Variants in ZNF697 observed in about 807,000 individuals in gnomAD.
The protein encoded by ZNF697 is zinc finger protein 697.
Under a neutral mutation model 32.4 loss-of-function variants are expected in ZNF697, and 23 were observed. That is an observed-to-expected ratio of 0.71 (90% confidence interval 0.51 to 1.01). ZNF697 has a LOEUF of 1.01. ZNF697 is among the 50% of genes least tolerant of loss of function. ZNF697 has a pLI of 0.00. For missense variants in ZNF697, 930 were observed against 794.0 expected (o/e 1.17, Z -2.06); for synonymous variants, 418 against 337.2 (o/e 1.24, Z -2.62).
At chr1:119,631,506 C>T (rs1011967471) in intron 1 of ZNF697, among the ~76,000 whole-genome samples, 11 of 152,266 alleles carry the variant, frequency 7.2e-5, no homozygotes, top group Non-Finnish European at 1.6e-4. Flanking sequence ...AAGGCCAGTT[C>T]CCAGCGAAGC....
chr1:119,642,136 A>G (rs376319380), intron 1 of ZNF697, among the ~76,000 whole-genome samples: 1 of 152,252 alleles, frequency 6.6e-6, no homozygotes, highest in Admixed American at 6.5e-5. Flanking sequence ...CACATACTGT[A>G]TGATTCCAAC....
intron 1 of ZNF697, among the ~76,000 whole-genome samples, chr1:119,640,491 C>A (rs1436891437): frequency 6.6e-6 from 1 of 152,200 alleles, no homozygotes. Flanking sequence ...GCAGACCATT[C>A]TCAAAAAAGA....
intron 1 of ZNF697, among the ~76,000 whole-genome samples, chr1:119,631,571 G>C (rs1281960025): frequency 6.6e-6 from 1 of 152,188 alleles, no homozygotes; most frequent in Non-Finnish European, 1.5e-5. Context: ...TTCCAGAGCA[G>C]ATCACTCCCA....
In ZNF697 at chr1:119,626,266, C is replaced by T. The variant is rs1648584768; in HGVS notation, c.-37-129G>A. ...CCCCAGATGGCAAACCTCCACTTCA[C>T]TCCACATTTTAAAGTAAACAAGTGA... On this transcript the variant is annotated intron_variant, in intron 1 of 2. Transcript: ENST00000421812. 4.8e-6 allele frequency: 6 copies of T among 1,249,724 alleles called. No individual in the cohort carries two copies. The African/African-American group carries it at 7.6e-5, about 16-fold the overall frequency. 77.4% of individuals were successfully genotyped at this position (1,249,724 alleles called of 1,614,324 possible). A position where few individuals can be genotyped will look rare whatever the true frequency, so the allele number is the denominator to read the frequency against.
Position 119,623,177 on chromosome 1 carries a change from C to A in ZNF697, c.1166G>T (p.Arg389Leu). The A allele has an allele frequency of 6.4e-7, 1 of 1,567,778 alleles. No homozygotes were observed. The highest frequency in any genetic ancestry group is 8.7e-7 in the Non-Finnish European group (1 of 1,153,310). Residue 389 changes from arginine to leucine, a missense_variant, in exon 3 of 3, where the codon CGC (arginine) becomes CTC (leucine). Coordinates refer to ENST00000421812, the MANE Select transcript of ZNF697 (RefSeq NM_001080470.2). Reference sequence around the variant, plus strand: ...CACCAAGTCCGAGCGCCAGCTGAAGCGCTTGCCGCACTCGCCACAGCCGTG... The same window carrying A: ...CACCAAGTCCGAGCGCCAGCTGAAGAGCTTGCCGCACTCGCCACAGCCGTG... ...KPHGCGECGK[R>L]FSWRSDLVKH...
intron 1 of ZNF697, among the ~76,000 whole-genome samples, chr1:119,629,631 A>C (rs1648704238): frequency 6.6e-6 from 1 of 152,228 alleles, no homozygotes; most frequent in South Asian, 2.1e-4. Context: ...CACAAAAATT[A>C]ATGTTTGTAA....
intron 1 of ZNF697, among the ~76,000 whole-genome samples, chr1:119,631,263 C>T (rs897986571): frequency 1.3e-5 from 2 of 152,264 alleles, no homozygotes; most frequent in East Asian, 3.9e-4. Context: ...ACCGCGGAGG[C>T]GGTGTCTCCT....
rs1423114193 is a variant in ZNF697, at chr1:119,623,059, C to G, written c.1284G>C (p.Lys428Asn). 6.3e-7 allele frequency: 1 copy of G among 1,586,208 alleles called. No individual in the cohort carries two copies. Among genetic ancestry groups the G allele is most frequent in the Non-Finnish European group, 8.6e-7 (1 of 1,166,652 alleles). ...FSVSSHLFTH[K>N]RTHSGERPYV... Reference sequence around the variant, plus strand: ...AGGGCCGCTCACCCGAGTGCGTGCGCTTGTGCGTGAAGAGGTGCGAGCTGA... The same window carrying G: ...AGGGCCGCTCACCCGAGTGCGTGCGGTTGTGCGTGAAGAGGTGCGAGCTGA... The change falls in exon 3 of 3, where the codon AAG (lysine) becomes AAC (asparagine). Residue 428 changes from lysine to asparagine, a missense_variant. By Grantham distance (94) the Lys-to-Asn change is moderately conservative. Transcript: ENST00000421812.
chr1:119,648,152 T>TGCG lies in ZNF697; in HGVS notation c.-502_-500dup, dbSNP rs921465724. 2.0e-5 allele frequency among the ~76,000 whole-genome samples: 3 copies of TGCG among 151,604 alleles called. No individual in the cohort carries two copies. Among genetic ancestry groups the TGCG allele is most frequent in the African/African-American group, 7.3e-5 (3 of 41,296 alleles). Reference sequence around the variant, plus strand: ...CCGCACCGCAGCGCGTCTGCCCTTGTGCGGCGGCGGCGGCTGCAGCGGCCG... The same window carrying TGCG: ...CCGCACCGCAGCGCGTCTGCCCTTGTGCGGCGGCGGCGGCGGCTGCAGCGGCCG... On this transcript the variant is annotated 5_prime_UTR_variant, in exon 1 of 3. Coordinates refer to ENST00000421812, the MANE Select transcript of ZNF697 (RefSeq NM_001080470.2).
intron 1 of ZNF697, among the ~76,000 whole-genome samples, chr1:119,638,862 A>G (rs1260277479): frequency 6.6e-6 from 1 of 152,204 alleles, no homozygotes; most frequent in Non-Finnish European, 1.5e-5. Flanking sequence ...CAGCAGAAAC[A>G]GGAAAAGCAC....
chr1:119,643,605 C>T (rs1454028197), intron 1 of ZNF697, among the ~76,000 whole-genome samples: 1 of 152,092 alleles, frequency 6.6e-6, no homozygotes, highest in African/African-American at 2.4e-5. Flanking sequence ...CTGATGAAAA[C>T]AGAATGAATT....
In ZNF697 at chr1:119,622,713, G is replaced by A; in HGVS notation, c.1630C>T (p.Leu544=). The A allele has an allele frequency of 6.5e-7, 1 of 1,532,514 alleles. No individual in the cohort carries two copies. The highest frequency in any genetic ancestry group is 8.8e-7 in the Non-Finnish European group (1 of 1,136,686). 94.9% of individuals were successfully genotyped at this position (1,532,514 alleles called of 1,614,324 possible). A position where few individuals can be genotyped will look rare whatever the true frequency, so the allele number is the denominator to read the frequency against. Residue 544 remains leucine, a synonymous_variant, in exon 3 of 3, where the codon CTG becomes TTG. Coordinates refer to ENST00000421812, the MANE Select transcript of ZNF697 (RefSeq NM_001080470.2). ...THLAQHQKLH[L]C ...TCCCGCGGACCCAGCCCCTAACACA[G>A]GTGCAGCTTCTGGTGCTGCGCGAGG...
At chr1:119,630,929 A>G (rs1648745227) in intron 1 of ZNF697, among the ~76,000 whole-genome samples, 1 of 152,226 alleles carries the variant, frequency 6.6e-6, no homozygotes, top group African/African-American at 2.4e-5. Context: ...AACTGAAGCC[A>G]GTAGCAGAGC....
chr1:119,646,640 G>C (rs1464256241), intron 1 of ZNF697, among the ~76,000 whole-genome samples: 4 of 152,126 alleles, frequency 2.6e-5, no homozygotes, highest in Non-Finnish European at 4.4e-5. Context: ...CATATAAGTG[G>C]CATTCTTAAA....
chr1:119,623,426 T>C lies in ZNF697; in HGVS notation c.917A>G (p.Lys306Arg). 1 of 1,536,810 alleles carries C rather than the reference T, an allele frequency of 6.5e-7. No individual in the cohort carries two copies. The highest frequency in any genetic ancestry group is 2.6e-5 in the East Asian group (1 of 38,026). The change falls in exon 3 of 3, where the codon AAG becomes AGG. Residue 306 changes from lysine (K) to arginine (R), a missense_variant. By Grantham distance (26) the Lys-to-Arg change is conservative (BLOSUM62 2). Coordinates refer to ENST00000421812, the MANE Select transcript of ZNF697 (RefSeq NM_001080470.2). ...KSFSWRADLL[K>R]HRRLHTGEKP... is the part of the protein sequence containing the mutation. ...CTCGCCCGTGTGCAGGCGCCGGTGC[T>C]TGAGCAGGTCGGCGCGCCAGCTGAA...
intron 1 of ZNF697, among the ~76,000 whole-genome samples, chr1:119,630,033 G>T (rs1296422197): frequency 6.6e-6 from 1 of 152,190 alleles, no homozygotes; most frequent in Admixed American, 6.5e-5. Flanking sequence ...CATCTGTAAG[G>T]GAGCTCTCCT....
At position 119,623,682 on chromosome 1, in the gene ZNF697, T is replaced by TGGCGGC; in HGVS notation, c.655_660dup (p.Ala219_Ala220dup). The TGGCGGC allele has an allele frequency of 6.7e-7, 1 of 1,490,158 alleles. No homozygotes were observed. Among genetic ancestry groups the TGGCGGC allele is most frequent in the Non-Finnish European group, 8.9e-7 (1 of 1,119,402 alleles). 92.3% of individuals were successfully genotyped at this position (1,490,158 alleles called of 1,614,324 possible). On this transcript the variant is annotated inframe_insertion, in exon 3 of 3. Coordinates refer to ENST00000421812, the MANE Select transcript of ZNF697 (RefSeq NM_001080470.2). ...CCCGCCAGGCCGAAGGGCTCCAGGCTGGCGGCGGCAGCGGCCTCAGCCAGG... is the reference window on the plus strand; with the variant it reads ...CCCGCCAGGCCGAAGGGCTCCAGGCTGGCGGCGGCGGCGGCAGCGGCCTCAGCCAGG...
chr1:119,624,130 AG>A lies in ZNF697; in HGVS notation c.227-15del. The A allele has an allele frequency of 6.5e-7, 1 of 1,541,792 alleles. No individual in the cohort carries two copies. The highest frequency in any genetic ancestry group is 8.8e-7 in the Non-Finnish European group (1 of 1,142,190). ...TCAGCTGCCCCTCTGCAACAGAAAAAGGTGGCAGTGGGGGATTACTATACTT... is the reference window on the plus strand; with the variant it reads ...TCAGCTGCCCCTCTGCAACAGAAAAAGTGGCAGTGGGGGATTACTATACTT... On this transcript the variant is annotated splice_polypyrimidine_tract_variant and intron_variant, in intron 2 of 2. Coordinates refer to ENST00000421812, the MANE Select transcript of ZNF697 (RefSeq NM_001080470.2).
intron 1 of ZNF697, among the ~76,000 whole-genome samples, chr1:119,645,574 C>A (rs1649179097): frequency 6.6e-6 from 1 of 152,120 alleles, no homozygotes; most frequent in Non-Finnish European, 1.5e-5. Flanking sequence ...AGAAGAATGT[C>A]TGTTGCATCT....
Sources: allele counts gnomAD v4.1 joint callset (sites outside exome capture counted in the v4.1 genomes callset), GRCh38; gene constraint gnomAD v4.1.1; transcripts MANE v1.5; gene names NCBI Gene and HGNC (gene_info 2026-07-23, HGNC 2026-07-21).